WASL: variants seen among roughly 807,000 people sequenced by gnomAD.
WASL encodes WASP like actin nucleation promoting factor.
Under a neutral mutation model 55.5 loss-of-function variants are expected in WASL, and 20 were observed. The ratio of observed to expected loss-of-function variants is 0.36; its 90% CI spans 0.25 to 0.52. WASL has a LOEUF of 0.52. Among genes scored for constraint, WASL ranks in the 20% least tolerant of loss-of-function variants. The pLI, the probability that WASL is intolerant of heterozygous loss-of-function variation, is 0.92. For missense variants in WASL, 504 were observed against 622.5 expected (o/e 0.81, Z 2.03); for synonymous variants, 249 against 217.6 (o/e 1.14, Z -1.27).
rs748762781 is a variant in WASL at position 123,748,720 on chromosome 7, C to T, written c.15G>A (p.Gln5=). MSSV[Q]QQPPPPRRVT... is the part of the protein sequence containing the mutation. ...CCCTCCGCGGCGGCGGCGGCTGCTG[C>T]TGGACGGAGCTCATGGTTTCGCCGG... Residue 5 remains glutamine, a synonymous_variant, in exon 1 of 11, where the codon CAG becomes CAA. Coordinates refer to ENST00000223023, the MANE Select transcript of WASL (RefSeq NM_003941.4). 3 of 1,596,924 alleles carry T rather than the reference C, an allele frequency of 1.9e-6. No homozygotes were observed. The highest frequency in any genetic ancestry group is 3.4e-5 in the Admixed American group (2 of 58,372).
chr7:123,723,195 T>C (rs1803982419), intron 1 of WASL, among the ~76,000 whole-genome samples: 1 of 152,222 alleles, frequency 6.6e-6, no homozygotes, highest in African/African-American at 2.4e-5. Flanking sequence ...GATGTATCAT[T>C]GCAACATTTC....
intron 10 of WASL, among the ~76,000 whole-genome samples, chr7:123,685,807 A>T (rs1374905176): frequency 1.3e-5 from 2 of 149,026 alleles, no homozygotes; most frequent in Non-Finnish European, 3.0e-5. Flanking sequence ...ATATATCTAT[A>T]TATAAAATAT....
chr7:123,703,210 A>G (rs1803618191), intron 5 of WASL, among the ~76,000 whole-genome samples: 1 of 152,172 alleles, frequency 6.6e-6, no homozygotes, highest in African/African-American at 2.4e-5. Context: ...TCATCTTGAC[A>G]TAACATAGTG....
Position 123,748,780 on chromosome 7 carries a change from A to C in WASL, c.-46T>G. On this transcript the variant is annotated 5_prime_UTR_variant, in exon 1 of 11. Coordinates refer to ENST00000223023, the MANE Select transcript of WASL (RefSeq NM_003941.4). ...GAGTCCAGGGCCGTCTCCTCCGGCG[A>C]GTGGGCGAGAGCTCGTTCCCCCTCT... 1 of 1,428,988 alleles carries C rather than the reference A, an allele frequency of 7.0e-7. No individual in the cohort carries two copies. 88.5% of individuals were successfully genotyped at this position (1,428,988 alleles called of 1,614,324 possible).
At chr7:123,700,201 A>C (rs1182615912) in intron 5 of WASL, among the ~76,000 whole-genome samples, 3 of 82,468 alleles carry the variant, frequency 3.6e-5, no homozygotes, top group African/African-American at 1.3e-4. Flanking sequence ...AAAAAAAAAA[A>C]AAAAAACAAC....
chr7:123,748,681 C>G lies in WASL; in HGVS notation c.54G>C (p.Gly18=). 1 of 1,611,968 alleles carries G rather than the reference C, an allele frequency of 6.2e-7. No homozygotes were observed. Among genetic ancestry groups the G allele is most frequent in the Non-Finnish European group, 8.5e-7 (1 of 1,179,132 alleles). The change falls in exon 1 of 11, where the codon GGG becomes GGC. Residue 18 remains glycine (G), a synonymous_variant. Transcript: ENST00000223023. ...PPPPRRVTNV[G]SLLLTPQENE... is the part of the protein sequence containing the mutation. Reference sequence around the variant, plus strand: ...TCTCCTGCGGGGTGAGCAACAGGGACCCCACGTTGGTGACCCTCCGCGGCG... The same window carrying G: ...TCTCCTGCGGGGTGAGCAACAGGGAGCCCACGTTGGTGACCCTCCGCGGCG...
intron 1 of WASL, among the ~76,000 whole-genome samples, chr7:123,722,767 C>T (rs1485193005): frequency 6.6e-6 from 1 of 152,138 alleles, no homozygotes; most frequent in East Asian, 1.9e-4. Flanking sequence ...ATCGCCACTG[C>T]ACTCCAGCCT....
chr7:123,702,419 G>C (rs1295826465), intron 5 of WASL, among the ~76,000 whole-genome samples: 1 of 151,956 alleles, frequency 6.6e-6, no homozygotes, highest in African/African-American at 2.4e-5. Context: ...AAACACCACT[G>C]TTATATAAAG....
chr7:123,704,838 T>G (rs1803643156), intron 4 of WASL, among the ~76,000 whole-genome samples, 181 bp from the exon 5 acceptor site: 1 of 152,004 alleles, frequency 6.6e-6, no homozygotes, highest in East Asian at 1.9e-4. Context: ...AACAATACAT[T>G]CAAAGGCCCC....
In WASL at chr7:123,748,648, G is replaced by C. The variant is rs1406614713; in HGVS notation, c.87C>G (p.Ser29=). ...SLLLTPQENE[S]LFTFLGKKCV... ...ATTTCTTGCCGAGGAAAGTGAAGAG[G>C]GACTCGTTCTCCTGCGGGGTGAGCA... The change falls in exon 1 of 11, where the codon TCC becomes TCG. Residue 29 remains serine, a synonymous_variant. Transcript: ENST00000223023. The C allele has an allele frequency of 6.2e-7, 1 of 1,613,464 alleles. No homozygotes were observed. The highest frequency in any genetic ancestry group is 1.3e-5 in the African/African-American group (1 of 74,974).
At chr7:123,711,424 AAAC>A (rs1292405550) in intron 1 of WASL, among the ~76,000 whole-genome samples, 1 of 152,198 alleles carries the variant, frequency 6.6e-6, no homozygotes, top group African/African-American at 2.4e-5. Flanking sequence ...AAAACTAAAA[AAAC>A]AACTATTCAA....
chr7:123,748,091 C>G (rs1041229317), intron 1 of WASL, among the ~76,000 whole-genome samples: 1 of 152,154 alleles, frequency 6.6e-6, no homozygotes, highest in African/African-American at 2.4e-5. Context: ...CTTGCACCCT[C>G]TCTAATCCGA....
At chr7:123,747,535 G>A (rs374920965) in intron 1 of WASL, among the ~76,000 whole-genome samples, 18 of 152,320 alleles carry the variant, frequency 1.2e-4, no homozygotes, top group East Asian at 9.6e-4. Context: ...AGAAGCAGGT[G>A]AAATCTGGTT....
chr7:123,693,318 T>C (rs1803442781), intron 8 of WASL, among the ~76,000 whole-genome samples: 1 of 152,228 alleles, frequency 6.6e-6, no homozygotes, highest in African/African-American at 2.4e-5. Flanking sequence ...TTCAGAATTA[T>C]AGTGTAGCAT....
chr7:123,747,393 T>G (rs567139028), intron 1 of WASL, among the ~76,000 whole-genome samples: 2 of 152,162 alleles, frequency 1.3e-5, no homozygotes, highest in Admixed American at 6.5e-5. Flanking sequence ...TTCCGAAATA[T>G]GAAACACATC....
At chr7:123,736,551 A>G (rs1641329450) in intron 1 of WASL, among the ~76,000 whole-genome samples, 1 of 152,178 alleles carries the variant, frequency 6.6e-6, no homozygotes, top group African/African-American at 2.4e-5. Flanking sequence ...TCACTGGGTG[A>G]TAGGGATTTT....
Position 123,748,903 on chromosome 7 carries a change from C to T in WASL, c.-169G>A. On this transcript the variant is annotated 5_prime_UTR_variant, in exon 1 of 11. Transcript: ENST00000223023. Reference sequence around the variant, plus strand: ...CGAGGTCGAGGGAAGCAGGCGCTGACGGCGAGCCACCTTCGCGCCGCGCTG... The same window carrying T: ...CGAGGTCGAGGGAAGCAGGCGCTGATGGCGAGCCACCTTCGCGCCGCGCTG... 1.7e-6 allele frequency: 1 copy of T among 585,362 alleles called. No homozygotes were observed. The highest frequency in any genetic ancestry group is 2.9e-6 in the Non-Finnish European group (1 of 341,848). 36.3% of individuals were successfully genotyped at this position (585,362 alleles called of 1,614,324 possible).
chr7:123,714,576 G>A (rs891899711), intron 1 of WASL, among the ~76,000 whole-genome samples: 1 of 152,182 alleles, frequency 6.6e-6, no homozygotes, highest in Non-Finnish European at 1.5e-5. Flanking sequence ...TTAGATCTTA[G>A]CTGCTTTTTA....
chr7:123,684,779 G>A (rs1803261770), intron 10 of WASL, among the ~76,000 whole-genome samples, 199 bp from the exon 11 acceptor site: 1 of 151,670 alleles, frequency 6.6e-6, no homozygotes, highest in African/African-American at 2.4e-5. Flanking sequence ...ATTAAAACAG[G>A]GCTTAGAAGA....
Sources: gnomAD v4.1 joint callset for allele counts (sites outside exome capture counted in the v4.1 genomes callset) on GRCh38, gnomAD v4.1.1 for gene constraint, MANE v1.5 for transcripts, NCBI Gene and HGNC (gene_info 2026-07-23, HGNC 2026-07-21) for gene names.